SHANK2: variants seen among roughly 807,000 people sequenced by gnomAD.
SHANK2 encodes the protein SH3 and multiple ankyrin repeat domains protein 2.
Under a neutral mutation model 133.7 loss-of-function variants are expected in SHANK2, and 43 were observed. That is an observed-to-expected ratio of 0.32 (90% CI 0.25 to 0.41). The LOEUF is 0.41. SHANK2 is among the 10% of genes least tolerant of loss of function. The pLI is 1.00. For missense variants in SHANK2, 1,994 were observed against 2,235.8 expected (o/e 0.89, Z 2.18); for synonymous variants, 1,017 against 952.8 (o/e 1.07, Z -1.24).
In SHANK2 at chr11:70,487,562, A is replaced by T. The variant is rs1301926141; in HGVS notation, c.2731T>A (p.Ser911Thr). 6.2e-7 allele frequency: 1 copy of T among 1,612,080 alleles called. No individual in the cohort carries two copies. Among genetic ancestry groups the T allele is most frequent in the Non-Finnish European group, 8.5e-7 (1 of 1,179,574 alleles). Residue 911 changes from serine to threonine, a missense_variant, in exon 25 of 26, where the codon TCC becomes ACC. Physicochemically the swap from Ser to Thr is moderately conservative, Grantham distance 58 (BLOSUM62 1). Transcript: ENST00000601538. The surrounding 1 kb of genome is among the most constrained non-coding windows in gnomAD (Gnocchi z 5.8). ...GTCCCGTAGACTCTTGGAGTTGGGG[A>T]CTTGGGGCAGTTGTAAGTGGTTGGG... ...PSPTTYNCPK[S>T]PTPRVYGTIK... is the part of the protein sequence containing the mutation.
rs541184655 is a variant in SHANK2, at chr11:70,826,649, G to A, written c.1175-5967C>T. On this transcript the variant is annotated intron_variant, in intron 11 of 25. Coordinates refer to ENST00000601538, the MANE Select transcript of SHANK2 (RefSeq NM_012309.5). ...GTGTCTGGGCACGGTGCACTTCCGA[G>A]CATAGCTGGGCATGCCAGACCCAGC... 2.2e-3 allele frequency: 911 copies of A among 411,846 alleles called. 17 individuals carry two copies. Among genetic ancestry groups the A allele is most frequent in the South Asian group, 0.015 (892 of 57,808 alleles). 25.5% of individuals were successfully genotyped at this position (411,846 alleles called of 1,614,324 possible). A position where few individuals can be genotyped will look rare whatever the true frequency, so the allele number is the denominator to read the frequency against.
intron 25 of SHANK2, among the ~76,000 whole-genome samples, chr11:70,483,093 G>C (rs909665524): frequency 7.2e-5 from 11 of 152,168 alleles, no homozygotes; most frequent in Non-Finnish European, 1.6e-4. Context: ...TCCAGCCCTA[G>C]AGCCATTCCC....
At chr11:70,768,397 A>T (rs965929421) in intron 14 of SHANK2, among the ~76,000 whole-genome samples, 8 of 152,210 alleles carry the variant, frequency 5.3e-5, no homozygotes, top group Non-Finnish European at 7.3e-5. Flanking sequence ...TTCTGGCCAC[A>T]AGAGTGTCAC....
intron 15 of SHANK2, among the ~76,000 whole-genome samples, chr11:70,677,343 C>T (rs1243928831): frequency 6.6e-6 from 1 of 152,206 alleles, no homozygotes; most frequent in African/African-American, 2.4e-5. Flanking sequence ...GAGCGGCCAA[C>T]ATCCTCCTCC....
chr11:70,661,763 A>T lies in SHANK2; in HGVS notation c.1854-85T>A, dbSNP rs144070766. On this transcript the variant is annotated intron_variant, in intron 15 of 25. Coordinates refer to ENST00000601538, the MANE Select transcript of SHANK2 (RefSeq NM_012309.5). ...CGCTCCTCCGCCGGGGACGTTCATC[A>T]TCATAGCCAATTAATCACCCCAGCT... The T allele has an allele frequency of 1.9e-6, 3 of 1,613,964 alleles. No homozygotes were observed. The African/African-American group carries it at 4.0e-5, about 22-fold the overall frequency.
chr11:70,947,352 C>CTT (rs1950763095), intron 10 of SHANK2, among the ~76,000 whole-genome samples: 10 of 96,416 alleles, frequency 1.0e-4, no homozygotes, highest in East Asian at 3.4e-4. Context: ...CTGACATCTA[C>CTT]ATTTTTTTTT....
intron 17 of SHANK2, among the ~76,000 whole-genome samples, chr11:70,648,212 C>T (rs1236910362): frequency 1.3e-5 from 2 of 152,122 alleles, no homozygotes; most frequent in Non-Finnish European, 2.9e-5. Context: ...ACCCAAGACC[C>T]AGAGGGGATG....
At chr11:70,875,152 G>C (rs1373126825) in intron 11 of SHANK2, among the ~76,000 whole-genome samples, 4 of 152,090 alleles carry the variant, frequency 2.6e-5, no homozygotes, top group African/African-American at 9.7e-5. Flanking sequence ...AGAACGGGGG[G>C]ACATGGTGAT....
At chr11:70,868,770 G>A (rs143736234) in intron 11 of SHANK2, among the ~76,000 whole-genome samples, 96 of 152,336 alleles carry the variant, frequency 6.3e-4, no homozygotes, top group Admixed American at 1.4e-3. Context: ...AGCCCTGTTT[G>A]GACACAACAT....
intron 17 of SHANK2, among the ~76,000 whole-genome samples, chr11:70,580,726 C>T (rs1281355206): frequency 6.6e-6 from 1 of 152,236 alleles, no homozygotes; most frequent in Non-Finnish European, 1.5e-5. Context: ...GCTGCCCAGC[C>T]AGAGCCAGGG....
chr11:71,082,329 C>A (rs1951311823), intron 8 of SHANK2, among the ~76,000 whole-genome samples: 1 of 152,194 alleles, frequency 6.6e-6, no homozygotes, highest in African/African-American at 2.4e-5. Context: ...CATCTCAGTG[C>A]CTAGGCAATG....
chr11:70,482,795 G>GGAGA (rs2058753818), intron 25 of SHANK2, among the ~76,000 whole-genome samples: 1 of 152,228 alleles, frequency 6.6e-6, no homozygotes, highest in African/African-American at 2.4e-5. Flanking sequence ...TCAGAGTACA[G>GGAGA]CAGGATTCTG....
At chr11:70,889,921 G>A (rs1356936982) in intron 11 of SHANK2, among the ~76,000 whole-genome samples, 2 of 152,174 alleles carry the variant, frequency 1.3e-5, no homozygotes, top group Non-Finnish European at 2.9e-5. Flanking sequence ...GGACATGGGG[G>A]AGTAGGAGCT....
intron 9 of SHANK2, among the ~76,000 whole-genome samples, chr11:71,070,862 C>G (rs1435287603): frequency 1.3e-5 from 2 of 152,130 alleles, no homozygotes; most frequent in Non-Finnish European, 2.9e-5. Context: ...ACCTGAGGCC[C>G]GAGGTGGGGA....
intron 2 of SHANK2, among the ~76,000 whole-genome samples, chr11:71,203,757 AC>A (rs1216342319): frequency 6.6e-5 from 10 of 152,034 alleles, no homozygotes; most frequent in African/African-American, 1.9e-4. Flanking sequence ...TACAGTGGGG[AC>A]CCCAGGCCAC....
At chr11:71,117,947 A>G (rs1210199227) in intron 4 of SHANK2, among the ~76,000 whole-genome samples, 1 of 152,190 alleles carries the variant, frequency 6.6e-6, no homozygotes, top group Admixed American at 6.5e-5. Context: ...TGGGGACTTG[A>G]CGTTTATGGA....
intron 2 of SHANK2, among the ~76,000 whole-genome samples, chr11:71,211,701 A>T (rs1305421275): frequency 2.0e-5 from 3 of 150,282 alleles, no homozygotes; most frequent in Non-Finnish European, 3.0e-5. Flanking sequence ...AAGCTCCCCC[A>T]TCCTCTCCCT....
At chr11:70,526,147 C>A (rs1012178000) in intron 17 of SHANK2, among the ~76,000 whole-genome samples, 1 of 152,178 alleles carries the variant, frequency 6.6e-6, no homozygotes, top group African/African-American at 2.4e-5. Flanking sequence ...TGATCCTGCA[C>A]CCTAAACCTA....
At chr11:70,558,418 C>A (rs2136116563) in intron 17 of SHANK2, among the ~76,000 whole-genome samples, 1 of 152,380 alleles carries the variant, frequency 6.6e-6, no homozygotes, top group East Asian at 1.9e-4. Context: ...CCTGTCACCG[C>A]CACAGAGCTG....
Sources: allele counts gnomAD v4.1 joint callset (sites outside exome capture counted in the v4.1 genomes callset), GRCh38; gene constraint gnomAD v4.1.1; non-coding constraint Gnocchi (gnomAD v3.1); transcripts MANE v1.5; gene names NCBI Gene and HGNC (gene_info 2026-07-23, HGNC 2026-07-21).